CCDC92: variants seen among roughly 807,000 people sequenced by gnomAD.
The protein encoded by CCDC92 is coiled-coil domain-containing protein 92.
Under a neutral mutation model 24.9 loss-of-function variants are expected in CCDC92, and 12 were observed. The ratio of observed to expected loss-of-function variants is 0.48; its 90% CI spans 0.31 to 0.78. The LOEUF (loss-of-function observed/expected upper bound fraction) is 0.78. CCDC92 is among the 30% of genes least tolerant of loss of function. The probability of loss-of-function intolerance (pLI) is 0.05; values close to 1 mark genes in which losing one functional copy is unlikely to be tolerated. For synonymous variants in CCDC92, 193 were observed against 196.3 expected, an observed-to-expected ratio of 0.98 and a Z score of 0.14; for missense variants, 399 against 439.4, an observed-to-expected ratio of 0.91 and a Z score of 0.82.
rs771590551 is a variant in CCDC92 at position 123,937,471 on chromosome 12, T to TG, written c.582dup (p.Lys195GlnfsTer25). 2.5e-6 allele frequency: 4 copies of TG among 1,613,060 alleles called. No homozygotes were observed. Among genetic ancestry groups the TG allele is most frequent in the South Asian group, 1.1e-5 (1 of 91,062 alleles). ...CGAGGCGTTTCGGGTAGCTTGTCTTTGGGGGGCGCTGGCTTGTAGCTGGCC... is the reference window on the plus strand; with the variant it reads ...CGAGGCGTTTCGGGTAGCTTGTCTTTGGGGGGGCGCTGGCTTGTAGCTGGCC... On this transcript the variant is annotated frameshift_variant, in exon 5 of 5. Transcript: ENST00000238156. LOFTEE classifies it high-confidence loss of function. This position sits in a 1 kb window ranked among gnomAD's most constrained non-coding sequence, Gnocchi z 8.4.
At chr12:123,954,421 G>A (rs922203867) in intron 1 of CCDC92, among the ~76,000 whole-genome samples, 9 of 152,062 alleles carry the variant, frequency 5.9e-5, no homozygotes, top group South Asian at 2.1e-4. Context: ...CTGAAAGAAC[G>A]TGCAGCCTAA....
At chr12:123,971,293 G>A (rs940068873) in intron 1 of CCDC92, among the ~76,000 whole-genome samples, 1 of 151,996 alleles carries the variant, frequency 6.6e-6, no homozygotes, top group Non-Finnish European at 1.5e-5. Context: ...TTTCACATAA[G>A]ATGAACAGTT....
At chr12:123,967,753 TAAGA>T (rs1956427701) in intron 1 of CCDC92, among the ~76,000 whole-genome samples, 1 of 152,254 alleles carries the variant, frequency 6.6e-6, no homozygotes, top group Admixed American at 6.5e-5. Flanking sequence ...TGTGCAACTT[TAAGA>T]AAGACAGTAT....
chr12:123,969,749 C>A (rs2138236222), intron 1 of CCDC92, among the ~76,000 whole-genome samples: 1 of 152,180 alleles, frequency 6.6e-6, no homozygotes, highest in East Asian at 1.9e-4. Context: ...CGGCCTTATT[C>A]AGTATCTTTT....
intron 1 of CCDC92, among the ~76,000 whole-genome samples, chr12:123,948,699 A>G (rs1404932291): frequency 4.6e-5 from 7 of 152,208 alleles, no homozygotes; most frequent in Non-Finnish European, 8.8e-5. Context: ...GGCATTCTAC[A>G]GCTGTTAGGA....
Position 123,937,476 on chromosome 12 carries a change from G to A in CCDC92, c.578C>T (p.Pro193Leu), listed in dbSNP as rs369556523. The stretch of plus-strand genomic sequence containing the variant: ...CGTTTCGGGTAGCTTGTCTTTGGGG[G>A]GCGCTGGCTTGTAGCTGGCCAGCAC... ...SPVLASYKPA[P>L]PKDKLPETPR... Residue 193 changes from proline (P) to leucine (L), a missense_variant, in exon 5 of 5, where the codon CCC becomes CTC. Coordinates refer to ENST00000238156, the MANE Select transcript of CCDC92 (RefSeq NM_025140.3). The surrounding 1 kb of genome is among the most constrained non-coding windows in gnomAD (Gnocchi z 8.4). The A allele has an allele frequency of 3.1e-6, 5 of 1,613,006 alleles. No homozygotes were observed. The highest frequency in any genetic ancestry group is 4.2e-6 in the Non-Finnish European group (5 of 1,179,998).
intron 1 of CCDC92, among the ~76,000 whole-genome samples, chr12:123,950,121 C>G (rs115445300): frequency 6.6e-6 from 1 of 152,216 alleles, no homozygotes; most frequent in Non-Finnish European, 1.5e-5. Context: ...TAAGCCTTGC[C>G]GCTTCTCCTA....
chr12:123,963,761 T>C (rs1157778683), intron 1 of CCDC92, among the ~76,000 whole-genome samples: 4 of 152,184 alleles, frequency 2.6e-5, no homozygotes, highest in South Asian at 2.1e-4. Context: ...AGTGGACACA[T>C]TGCAGCTGAG....
chr12:123,960,882 CATT>C (rs1956255911), intron 1 of CCDC92: 1 of 152,162 alleles, frequency 6.6e-6, no homozygotes, highest in Non-Finnish European at 1.5e-5. Flanking sequence ...TTAACGTCAT[CATT>C]GATTTTGTTT....
intron 1 of CCDC92, among the ~76,000 whole-genome samples, chr12:123,959,520 G>A (rs2138121901): frequency 6.6e-6 from 1 of 152,268 alleles, no homozygotes; most frequent in South Asian, 2.1e-4. Context: ...GGCCAGGCTG[G>A]TTTCAAACTC....
chr12:123,950,637 T>C (rs1956002326), intron 1 of CCDC92, among the ~76,000 whole-genome samples: 1 of 152,062 alleles, frequency 6.6e-6, no homozygotes, highest in Non-Finnish European at 1.5e-5. Flanking sequence ...AGGGGCAGAC[T>C]CACTCTCTTC....
chr12:123,950,525 C>A (rs1302407193), intron 1 of CCDC92, among the ~76,000 whole-genome samples: 3 of 152,160 alleles, frequency 2.0e-5, no homozygotes, highest in African/African-American at 4.8e-5. Context: ...GGGGCCTTAA[C>A]AAAGCAGCAA....
At chr12:123,949,741 C>A (rs1955975487) in intron 1 of CCDC92, among the ~76,000 whole-genome samples, 1 of 152,176 alleles carries the variant, frequency 6.6e-6, no homozygotes, top group South Asian at 2.1e-4. Context: ...CTTTTCATTC[C>A]AAATCCTATA....
At chr12:123,964,659 A>G (rs1956349574) in intron 1 of CCDC92, among the ~76,000 whole-genome samples, 1 of 152,254 alleles carries the variant, frequency 6.6e-6, no homozygotes, top group Non-Finnish European at 1.5e-5. Context: ...CTTACAGAAC[A>G]GCTCAATGAC....
Position 123,936,020 on chromosome 12 carries a change from T to C in CCDC92, c.*1038A>G, listed in dbSNP as rs368934688. ...TGAAGTTGTTGAGCTTAGTGTTTAG[T>C]TCCTGCATGAGCTTCTACCCCCAGC... On this transcript the variant is annotated 3_prime_UTR_variant, in exon 5 of 5. Coordinates refer to ENST00000238156, the MANE Select transcript of CCDC92 (RefSeq NM_025140.3). The C allele has an allele frequency of 1.5e-4, 23 of 153,162 alleles. No homozygotes were observed. The East Asian group carries it at 1.5e-3, about 10-fold the overall frequency. The allele number at this position is 153,162 out of a possible 1,614,324, so 9.5% of individuals were successfully genotyped here.
Position 123,937,102 on chromosome 12 carries a change from C to T in CCDC92, c.952G>A (p.Gly318Ser), listed in dbSNP as rs1955522425. ...KTLAVDQVNG[G>S]KVVRKHSGTD... ...CCTGAGTGCTTCCTCACCACCTTGC[C>T]TCCGTTCACCTGGTCGACCGCCAGG... The change falls in exon 5 of 5, where the codon GGC (glycine) becomes AGC (serine). Residue 318 changes from glycine to serine, a missense_variant. Transcript: ENST00000238156. This position sits in a 1 kb window ranked among gnomAD's most constrained non-coding sequence, Gnocchi z 8.4. 6.2e-7 allele frequency: 1 copy of T among 1,613,910 alleles called. No homozygotes were observed. Among genetic ancestry groups the T allele is most frequent in the Non-Finnish European group, 8.5e-7 (1 of 1,180,026 alleles).
At chr12:123,950,545 A>G (rs1955999573) in intron 1 of CCDC92, among the ~76,000 whole-genome samples, 1 of 152,202 alleles carries the variant, frequency 6.6e-6, no homozygotes, top group Non-Finnish European at 1.5e-5. Flanking sequence ...AGACTAGCTT[A>G]GGAAGAAAGC....
At chr12:123,948,033 AACAC>A (rs1336497807) in intron 1 of CCDC92, among the ~76,000 whole-genome samples, 1 of 152,216 alleles carries the variant, frequency 6.6e-6, no homozygotes, top group Non-Finnish European at 1.5e-5. Flanking sequence ...TAAGAGCTGT[AACAC>A]TCACGGCGAG....
intron 1 of CCDC92, among the ~76,000 whole-genome samples, chr12:123,952,178 A>G (rs1406136495): frequency 6.6e-6 from 1 of 152,230 alleles, no homozygotes; most frequent in Non-Finnish European, 1.5e-5. Context: ...TTATGTAAAC[A>G]TTGGTCAATA....
Sources: allele counts gnomAD v4.1 joint callset (sites outside exome capture counted in the v4.1 genomes callset), GRCh38; gene constraint gnomAD v4.1.1; non-coding constraint Gnocchi (gnomAD v3.1); transcripts MANE v1.5; gene names NCBI Gene and HGNC (gene_info 2026-07-23, HGNC 2026-07-21).